The following DPH6 variants were observed in gnomAD, a reference collection of about 807,000 sequenced individuals.
DPH6 encodes the protein diphthine--ammonia ligase.
DPH6 carries 33 observed loss-of-function variants against 38.2 expected under a neutral mutation model. That is an observed-to-expected ratio of 0.86 (90% confidence interval 0.65 to 1.15). The LOEUF (loss-of-function observed/expected upper bound fraction) is 1.15. DPH6 is among the 50% of genes most tolerant of loss of function. DPH6 has a pLI of 0.00. For missense variants in DPH6, 325 were observed against 320.0 expected (o/e 1.02, Z -0.12); for synonymous variants, 108 against 103.0 (o/e 1.05, Z -0.30).
intron 3 of DPH6, among the ~76,000 whole-genome samples, chr15:35,358,980 T>C (rs2052591191): frequency 6.6e-6 from 1 of 151,938 alleles, no homozygotes; most frequent in Admixed American, 6.6e-5. Context: ...CGCTACCAGG[T>C]TGGGTAGGGA....
chr15:35,376,332 TCA>T (rs2052780273), intron 7 of DPH6, among the ~76,000 whole-genome samples: 1 of 151,750 alleles, frequency 6.6e-6, no homozygotes, highest in African/African-American at 2.4e-5. Context: ...TATTAGAAAC[TCA>T]CAGTGATTTT....
At chr15:35,340,217 T>G (rs1181618273) in intron 3 of DPH6, among the ~76,000 whole-genome samples, 1 of 151,632 alleles carries the variant, frequency 6.6e-6, no homozygotes, top group East Asian at 1.9e-4. Flanking sequence ...TTTTTTGGTT[T>G]TCCATTTACT....
intron 4 of DPH6, among the ~76,000 whole-genome samples, chr15:35,453,810 A>G (rs1056767188): frequency 7.1e-6 from 1 of 140,244 alleles, no homozygotes; most frequent in South Asian, 2.3e-4. Context: ...AAATGAAACA[A>G]GTGTTCAAAT....
chr15:35,405,742 A>T (rs1235781258), intron 6 of DPH6, among the ~76,000 whole-genome samples: 1 of 152,080 alleles, frequency 6.6e-6, no homozygotes, highest in East Asian at 1.9e-4. Flanking sequence ...ATGTTGAATA[A>T]CAGTGGTGAA....
intron 3 of DPH6, among the ~76,000 whole-genome samples, chr15:35,499,227 C>T (rs1380488043): frequency 2.0e-5 from 3 of 152,132 alleles, no homozygotes; most frequent in East Asian, 1.9e-4. Flanking sequence ...TTGCTCTTGA[C>T]AAAGTTTCAC....
intron 3 of DPH6, among the ~76,000 whole-genome samples, chr15:35,286,263 G>A (rs1019447559): frequency 6.6e-6 from 1 of 152,088 alleles, no homozygotes; most frequent in Non-Finnish European, 1.5e-5. Context: ...CCAAGAACTG[G>A]ATCCAGTCCA....
chr15:35,224,820 A>C (rs1469174785), intron 3 of DPH6, among the ~76,000 whole-genome samples: 1 of 152,158 alleles, frequency 6.6e-6, no homozygotes, highest in Admixed American at 6.5e-5. Flanking sequence ...CTTTGAAGTA[A>C]ATTTATATTT....
chr15:35,148,740 T>C, the DPH6 span, among the ~76,000 whole-genome samples: 10 of 152,210 alleles, frequency 6.6e-5, no homozygotes, highest in Non-Finnish European at 1.2e-4. Flanking sequence ...CGATCTATGA[T>C]ACTTTCAGAG....
intron 3 of DPH6, among the ~76,000 whole-genome samples, chr15:35,527,513 C>A (rs866608921): frequency 9.9e-5 from 15 of 152,044 alleles, no homozygotes; most frequent in Admixed American, 2.0e-4. Flanking sequence ...TTCTTAAAAT[C>A]TTAGCTTTGT....
intron 3 of DPH6, among the ~76,000 whole-genome samples, chr15:35,350,412 G>GT (rs1203143955): frequency 2.1e-5 from 3 of 144,602 alleles, no homozygotes; most frequent in Non-Finnish European, 3.0e-5. Flanking sequence ...TTTTAAAATT[G>GT]TTTTTATTCT....
chr15:35,157,737 T>C, the DPH6 span, among the ~76,000 whole-genome samples: 1 of 152,112 alleles, frequency 6.6e-6, no homozygotes, highest in African/African-American at 2.4e-5. Context: ...GAATATCAAA[T>C]TGACCCTGAA....
chr15:35,189,142 AT>A, the DPH6 span, among the ~76,000 whole-genome samples: 2 of 152,182 alleles, frequency 1.3e-5, no homozygotes, highest in Admixed American at 1.3e-4. Context: ...CAAAAGTTGC[AT>A]TTAATGACTT....
At chr15:35,158,020 A>G in the DPH6 span, among the ~76,000 whole-genome samples, 6 of 152,096 alleles carry the variant, frequency 3.9e-5, no homozygotes, top group African/African-American at 1.4e-4. Flanking sequence ...TTTCATTTTC[A>G]GTCTTAGAAT....
At chr15:35,483,975 A>C (rs1409319246) in intron 3 of DPH6, among the ~76,000 whole-genome samples, 1 of 152,234 alleles carries the variant, frequency 6.6e-6, no homozygotes, top group Non-Finnish European at 1.5e-5. Context: ...GTTCAAAAGA[A>C]GCAAATCTAC....
chr15:35,152,110 A>C, the DPH6 span, among the ~76,000 whole-genome samples: 1 of 152,220 alleles, frequency 6.6e-6, no homozygotes, highest in Admixed American at 6.5e-5. Context: ...TTTATTTAGA[A>C]GTTTAGTAAC....
chr15:35,242,154 C>T (rs1006761346), intron 3 of DPH6, among the ~76,000 whole-genome samples: 1 of 144,684 alleles, frequency 6.9e-6, no homozygotes, highest in African/African-American at 2.5e-5. Flanking sequence ...TCACAGACAG[C>T]CCCCATTACT....
the DPH6 span, among the ~76,000 whole-genome samples, chr15:35,172,102 G>A: frequency 1.3e-5 from 2 of 152,034 alleles, no homozygotes; most frequent in Non-Finnish European, 2.9e-5. Context: ...TCCTGACCTC[G>A]TGATCCACCT....
At chr15:35,473,955 TGTGCGC>T (rs1448093595) in intron 3 of DPH6, among the ~76,000 whole-genome samples, 10 of 26,696 alleles carry the variant, frequency 3.7e-4, no homozygotes, top group African/African-American at 5.3e-4. Flanking sequence ...TGTGTGTGTG[TGTGCGC>T]GCGCGCGCGT....
intron 3 of DPH6, among the ~76,000 whole-genome samples, chr15:35,353,984 G>C (rs188366044): frequency 6.6e-6 from 1 of 152,154 alleles, no homozygotes; most frequent in Non-Finnish European, 1.5e-5. Flanking sequence ...TCTCCTTGAA[G>C]AGGTCCTTCA....
Sources: gnomAD v4.1 joint callset for allele counts (sites outside exome capture counted in the v4.1 genomes callset) on GRCh38, gnomAD v4.1.1 for gene constraint, MANE v1.5 for transcripts, NCBI Gene and HGNC (gene_info 2026-07-23, HGNC 2026-07-21) for gene names.